CRTC1: variants seen among roughly 807,000 people sequenced by gnomAD.
CRTC1 encodes CREB-regulated transcription coactivator 1.
A neutral mutation model predicts 66.1 loss-of-function variants in CRTC1; 18 were observed. That is an observed-to-expected ratio of 0.27 (90% confidence interval 0.19 to 0.40). The LOEUF (loss-of-function observed/expected upper bound fraction) is 0.40. Among genes scored for constraint, CRTC1 ranks in the 10% least tolerant of loss-of-function variants. The probability of loss-of-function intolerance (pLI) is 1.00; values close to 1 mark genes in which losing one functional copy is unlikely to be tolerated. For synonymous variants in CRTC1, 416 were observed against 398.8 expected, an observed-to-expected ratio of 1.04 and a Z score of -0.51; for missense variants, 669 against 887.9, an observed-to-expected ratio of 0.75 and a Z score of 3.13.
intron 1 of CRTC1, among the ~76,000 whole-genome samples, chr19:18,685,867 C>A (rs184494722): frequency 3.4e-4 from 51 of 152,184 alleles, no homozygotes; most frequent in African/African-American, 1.1e-3. Context: ...GATTAGAAGT[C>A]CAGTTTCTGC....
chr19:18,706,692 C>T (rs1223164809), intron 1 of CRTC1, among the ~76,000 whole-genome samples: 2 of 151,688 alleles, frequency 1.3e-5, no homozygotes, highest in African/African-American at 4.8e-5. Context: ...TTTTCTATTT[C>T]TGCGAAAAAG....
chr19:18,684,513 A>C (rs1470267547), intron 1 of CRTC1, among the ~76,000 whole-genome samples: 1 of 152,094 alleles, frequency 6.6e-6, no homozygotes, highest in Non-Finnish European at 1.5e-5. Context: ...GGGAATGGTC[A>C]GATCCTGTCC....
rs114571932 is a variant in CRTC1 at position 18,767,411 on chromosome 19, C to T, written c.1012-1074C>T. Among the ~76,000 whole-genome samples, 140 of 152,250 alleles carry T rather than the reference C, an allele frequency of 9.2e-4. 1 individual carries two copies. The highest frequency in any genetic ancestry group is 3.3e-3 in the African/African-American group (138 of 41,542). On this transcript the variant is annotated intron_variant, in intron 9 of 13. Transcript: ENST00000321949. ...ACAGAGTTTCGTCTTGTTGACCAGG[C>T]TGGTCTCAAACTCCCAACCTCAAGT...
At chr19:18,713,410 T>C (rs1161772464) in intron 1 of CRTC1, among the ~76,000 whole-genome samples, 2 of 152,252 alleles carry the variant, frequency 1.3e-5, no homozygotes, top group South Asian at 2.1e-4. Flanking sequence ...TACTGAGGAC[T>C]GGAATTGCGG....
rs1355119586 is a variant in CRTC1 at position 18,737,736 on chromosome 19, G to GCTGCTCCTCCTCCTCCTC, written c.127-5171_127-5154dup. Among the ~76,000 whole-genome samples the GCTGCTCCTCCTCCTCCTC allele has an allele frequency of 2.6e-3, 390 of 149,474 alleles. 5 individuals are homozygous for GCTGCTCCTCCTCCTCCTC. Among genetic ancestry groups the GCTGCTCCTCCTCCTCCTC allele is most frequent in the South Asian group, 0.012 (57 of 4,606 alleles). On this transcript the variant is annotated intron_variant, in intron 1 of 13. Coordinates refer to ENST00000321949, the MANE Select transcript of CRTC1 (RefSeq NM_015321.3). ...AAGACCAAGCTGCCGCCCTCCTGCT[G>GCTGCTCCTCCTCCTCCTC]CTGCTCCTCCTCCTCCTCCTCCTCC... is the stretch of plus-strand genomic sequence containing the variant.
chr19:18,750,462 C>T (rs1164802320), intron 5 of CRTC1, among the ~76,000 whole-genome samples: 1 of 152,216 alleles, frequency 6.6e-6, no homozygotes, highest in Non-Finnish European at 1.5e-5. Flanking sequence ...TCCTTGGCTC[C>T]AATTTGAAGC....
At chr19:18,736,467 C>T (rs1568510014) in intron 1 of CRTC1, among the ~76,000 whole-genome samples, 1 of 152,180 alleles carries the variant, frequency 6.6e-6, no homozygotes, top group East Asian at 1.9e-4. Flanking sequence ...CAGGCAGTCT[C>T]TGTGCTTTCT....
chr19:18,743,240 C>T (rs1362238812), intron 2 of CRTC1, among the ~76,000 whole-genome samples: 1 of 152,270 alleles, frequency 6.6e-6, no homozygotes, highest in Non-Finnish European at 1.5e-5. Flanking sequence ...GACCCCGAGG[C>T]GAGCCCTCCA....
At chr19:18,689,045 C>A (rs2052758413) in intron 1 of CRTC1, among the ~76,000 whole-genome samples, 1 of 151,786 alleles carries the variant, frequency 6.6e-6, no homozygotes, top group South Asian at 2.1e-4. Flanking sequence ...TCCCGGATTC[C>A]AGTGATTCTC....
chr19:18,738,577 G>A (rs956943084), intron 1 of CRTC1, among the ~76,000 whole-genome samples: 3 of 152,058 alleles, frequency 2.0e-5, no homozygotes, highest in Non-Finnish European at 1.5e-5. Flanking sequence ...TGAGGCAGGC[G>A]GATCACCTGA....
At chr19:18,749,646 T>A in intron 4 of CRTC1, 135 bp from the exon 5 acceptor site, 1 of 700,332 alleles carries the variant, frequency 1.4e-6, no homozygotes. Flanking sequence ...CCGAGAGCTT[T>A]GCTCAGGTGC....
At chr19:18,759,075 C>T (rs1019401830) in intron 6 of CRTC1, among the ~76,000 whole-genome samples, 2 of 152,174 alleles carry the variant, frequency 1.3e-5, no homozygotes, top group East Asian at 1.9e-4. Context: ...TGCAGTGACG[C>T]GTGCCTATGG....
rs766014696 is a variant in CRTC1, at chr19:18,753,614, T to C, written c.624+29T>C. 22 of 1,539,092 alleles carry C rather than the reference T, an allele frequency of 1.4e-5. No homozygotes were observed. In the Admixed American group the frequency reaches 3.8e-4, roughly 27 times the overall value. On this transcript the variant is annotated intron_variant, in intron 6 of 13. Transcript: ENST00000321949. ...AGAGCCTATGAGCTTTCAAAAACTT[T>C]TTTTCTTCTTTCTCTTCTCAAGCAT...
At chr19:18,754,311 A>C (rs1043660568) in intron 6 of CRTC1, among the ~76,000 whole-genome samples, 1 of 152,166 alleles carries the variant, frequency 6.6e-6, no homozygotes, top group Admixed American at 6.5e-5. Context: ...ACTTGAGCTC[A>C]GGAGTTTGGG....
chr19:18,780,670 C>T lies in CRTC1; in HGVS notation c.*3288C>T, dbSNP rs1346979699. 3.1e-5 allele frequency: 7 copies of T among 225,102 alleles called. No individual in the cohort carries two copies. The East Asian group carries it at 4.5e-4, about 14-fold the overall frequency. 13.9% of individuals were successfully genotyped at this position (225,102 alleles called of 1,614,324 possible). A position where few individuals can be genotyped will look rare whatever the true frequency, so the allele number is the denominator to read the frequency against. On this transcript the variant is annotated 3_prime_UTR_variant, in exon 14 of 14. Coordinates refer to ENST00000321949, the MANE Select transcript of CRTC1 (RefSeq NM_015321.3). Reference sequence around the variant, plus strand: ...AGGTGGGACAGGAGCCTGCCAGAAGCCCATGGGGGGCCAGGCCGGGTGGCT... The same window carrying T: ...AGGTGGGACAGGAGCCTGCCAGAAGTCCATGGGGGGCCAGGCCGGGTGGCT...
chr19:18,768,690 G>A lies in CRTC1; in HGVS notation c.1217G>A (p.Arg406His), dbSNP rs1299650381. Residue 406 changes from arginine (R) to histidine (H), a missense_variant, in exon 10 of 14, where the codon CGT (arginine) becomes CAT (histidine). Physicochemically the swap from Arg to His is conservative, Grantham distance 29 (BLOSUM62 0). Coordinates refer to ENST00000321949, the MANE Select transcript of CRTC1 (RefSeq NM_015321.3). This position sits in a 1 kb window ranked among gnomAD's most constrained non-coding sequence, Gnocchi z 5.6. Reference protein sequence around the residue: ...GPLLPSASLTRGPQPPPLAVT... With the variant: ...GPLLPSASLTHGPQPPPLAVT... Reference sequence around the variant, plus strand: ...CTGTTGCCCAGCGCCAGCCTGACTCGTGGGCCACAGCCGCCCCCGCTTGCA... The same window carrying A: ...CTGTTGCCCAGCGCCAGCCTGACTCATGGGCCACAGCCGCCCCCGCTTGCA... 2.7e-5 allele frequency: 43 copies of A among 1,576,288 alleles called. No individual in the cohort carries two copies. Among genetic ancestry groups the A allele is most frequent in the Non-Finnish European group, 3.5e-5 (41 of 1,163,290 alleles).
chr19:18,742,826 G>C, intron 1 of CRTC1, 84 bp from the exon 2 acceptor site: 1 of 960,042 alleles, frequency 1.0e-6, no homozygotes, highest in South Asian at 1.3e-5. Context: ...CCACCACTTG[G>C]GTCTTTTTGT....
rs533687235 is a variant in CRTC1, at chr19:18,782,089, G to A, written c.*4707G>A. On this transcript the variant is annotated 3_prime_UTR_variant, in exon 14 of 14. Coordinates refer to ENST00000321949, the MANE Select transcript of CRTC1 (RefSeq NM_015321.3). Reference sequence around the variant, plus strand: ...TGGCCCCACTGATATATGCAAACCCGCCGGTCCGAGCCCTGTTCCTGCCTG... The same window carrying A: ...TGGCCCCACTGATATATGCAAACCCACCGGTCCGAGCCCTGTTCCTGCCTG... 38 of 224,356 alleles carry A rather than the reference G, an allele frequency of 1.7e-4. No homozygotes were observed. Among genetic ancestry groups the A allele is most frequent in the South Asian group, 1.5e-3 (8 of 5,446 alleles). The allele number at this position is 224,356 out of a possible 1,614,324, so 13.9% of individuals were successfully genotyped here.
intron 1 of CRTC1, among the ~76,000 whole-genome samples, chr19:18,742,661 C>T (rs866570691): frequency 1.3e-5 from 2 of 152,244 alleles, no homozygotes; most frequent in Admixed American, 6.5e-5. Flanking sequence ...CCCAGGTTCA[C>T]GGTCATGGGT....
Sources: allele counts gnomAD v4.1 joint callset (sites outside exome capture counted in the v4.1 genomes callset), GRCh38; gene constraint gnomAD v4.1.1; non-coding constraint Gnocchi (gnomAD v3.1); transcripts MANE v1.5; gene names NCBI Gene and HGNC (gene_info 2026-07-23, HGNC 2026-07-21).